RYR2: variants seen among roughly 807,000 people sequenced by gnomAD.
The protein encoded by RYR2 is cardiac muscle ryanodine receptor-calcium release channel.
RYR2 carries 227 observed loss-of-function variants against 601.1 expected under a neutral mutation model. The observed-to-expected ratio is 0.38, with a 90% CI of 0.34 to 0.42. RYR2 has a LOEUF of 0.42. Ranked by LOEUF, RYR2 falls within the 10% of genes least tolerant of loss-of-function variation. The pLI, the probability that RYR2 is intolerant of heterozygous loss-of-function variation, is 1.00. For missense variants in RYR2, 4,646 were observed against 6,156.5 expected (o/e 0.75, Z 8.21); for synonymous variants, 2,223 against 2,175.1 (o/e 1.02, Z -0.61).
intron 1 of RYR2, among the ~76,000 whole-genome samples, chr1:237,194,423 T>G (rs1403280977): frequency 6.6e-6 from 1 of 152,180 alleles, no homozygotes; most frequent in African/African-American, 2.4e-5. Flanking sequence ...GCCTCTGAGA[T>G]TCCCGTGTGG....
chr1:237,167,907 T>C (rs1676902561), intron 1 of RYR2, among the ~76,000 whole-genome samples: 1 of 152,098 alleles, frequency 6.6e-6, no homozygotes, highest in Non-Finnish European at 1.5e-5. Context: ...TAGAGTTATG[T>C]GAAGTCAGTT....
intron 17 of RYR2, among the ~76,000 whole-genome samples, chr1:237,477,524 T>C (rs1661549141): frequency 6.6e-6 from 1 of 152,258 alleles, no homozygotes; most frequent in Non-Finnish European, 1.5e-5. Context: ...TTTTGGCTTT[T>C]AGGCACTGTT....
chr1:237,832,234 G>A (rs1284766678), intron 104 of RYR2, among the ~76,000 whole-genome samples: 1 of 149,324 alleles, frequency 6.7e-6, no homozygotes, highest in African/African-American at 2.5e-5. Flanking sequence ...TTTAATTTTA[G>A]TACAGACAAG....
At chr1:237,387,060 C>G (rs752859980) in intron 8 of RYR2, among the ~76,000 whole-genome samples, 1 of 152,198 alleles carries the variant, frequency 6.6e-6, no homozygotes, top group Non-Finnish European at 1.5e-5. Flanking sequence ...TGATTATTGA[C>G]TTAAGTCAGT....
At chr1:237,408,547 C>A (rs2149984913) in intron 10 of RYR2, among the ~76,000 whole-genome samples, 1 of 152,068 alleles carries the variant, frequency 6.6e-6, no homozygotes, top group Middle Eastern at 3.4e-3. Context: ...TTTGTCTGTT[C>A]TTTCACCAAT....
At chr1:237,821,897 G>T (rs182154643) in intron 101 of RYR2, among the ~76,000 whole-genome samples, 5 of 151,470 alleles carry the variant, frequency 3.3e-5, no homozygotes, top group African/African-American at 4.8e-5. Flanking sequence ...AGCAATAGCC[G>T]AATCAATCAA....
intron 35 of RYR2, among the ~76,000 whole-genome samples, chr1:237,603,295 G>C (rs139522914): frequency 0.024 from 3,719 of 152,280 alleles, 62 homozygotes; most frequent in Non-Finnish European, 0.036. Context: ...GCACGGTGAA[G>C]AGCCATGAGA....
intron 1 of RYR2, among the ~76,000 whole-genome samples, chr1:237,162,950 C>T (rs1676204644): frequency 6.6e-6 from 1 of 152,114 alleles, no homozygotes. Context: ...TTCATCTCTA[C>T]AACTGCTACT....
At chr1:237,114,048 G>C (rs1669797594) in intron 1 of RYR2, among the ~76,000 whole-genome samples, 1 of 152,152 alleles carries the variant, frequency 6.6e-6, no homozygotes, top group South Asian at 2.1e-4. Flanking sequence ...CTTTAGAAAG[G>C]GTGCAGAGAC....
chr1:237,648,498 C>T lies in RYR2; in HGVS notation c.7397C>T (p.Ala2466Val). 6.2e-7 allele frequency: 1 copy of T among 1,611,070 alleles called. No individual in the cohort carries two copies. The highest frequency in any genetic ancestry group is 8.5e-7 in the Non-Finnish European group (1 of 1,178,522). The change falls in exon 49 of 105, where the codon GCA becomes GTA. Residue 2466 changes from alanine (A) to valine (V), a missense_variant. Ala to Val is a moderately conservative substitution (Grantham distance 64). Coordinates refer to ENST00000366574, the MANE Select transcript of RYR2 (RefSeq NM_001035.3). ...MSAGFCPDHK[A>V]AMVLFLDRVY... The stretch of plus-strand genomic sequence containing the variant: ...GCGGGGTTTTGCCCAGATCACAAGG[C>T]AGCCATGGTTTTATTCCTTGACAGG...
At chr1:237,279,327 C>G (rs1454518617) in intron 2 of RYR2, among the ~76,000 whole-genome samples, 2 of 152,126 alleles carry the variant, frequency 1.3e-5, no homozygotes, top group African/African-American at 2.4e-5. Context: ...ATAAGACTCT[C>G]TATACTGCTG....
At chr1:237,582,474 G>A (rs1674030410) in intron 29 of RYR2, among the ~76,000 whole-genome samples, 1 of 151,742 alleles carries the variant, frequency 6.6e-6, no homozygotes, top group African/African-American at 2.4e-5. Flanking sequence ...ATATGTTCAG[G>A]TTTGTTGCCT....
At chr1:237,731,500 G>A (rs1052075684) in intron 77 of RYR2, among the ~76,000 whole-genome samples, 2 of 152,076 alleles carry the variant, frequency 1.3e-5, no homozygotes, top group African/African-American at 4.8e-5. Context: ...TAAGCAATTT[G>A]CACTGCTATG....
At chr1:237,829,855 G>A (rs1935266) in intron 102 of RYR2, among the ~76,000 whole-genome samples, 82,110 of 151,786 alleles carry the variant, frequency 0.54, 23,031 homozygotes, top group African/African-American at 0.69. Flanking sequence ...GACCAGGCCT[G>A]TCTGCAAGGG....
chr1:237,334,474 C>A (rs1697063048), intron 3 of RYR2, among the ~76,000 whole-genome samples: 1 of 148,906 alleles, frequency 6.7e-6, no homozygotes, highest in Admixed American at 6.8e-5. Flanking sequence ...AAAAGAGAGA[C>A]CTAGATCCAG....
chr1:237,212,250 CT>C (rs34571943), intron 1 of RYR2, among the ~76,000 whole-genome samples: 2,430 of 152,210 alleles, frequency 0.016, 79 homozygotes, highest in African/African-American at 0.056. Flanking sequence ...TTAATCTTTT[CT>C]CATTTAAAAC....
intron 35 of RYR2, among the ~76,000 whole-genome samples, chr1:237,607,583 G>T (rs894433538): frequency 3.9e-5 from 6 of 152,038 alleles, no homozygotes; most frequent in African/African-American, 1.4e-4. Flanking sequence ...ATAAAAAAAA[G>T]AATAGGATTT....
intron 62 of RYR2, among the ~76,000 whole-genome samples, chr1:237,683,819 G>A (rs182991771): frequency 2.4e-4 from 37 of 152,304 alleles, no homozygotes; most frequent in South Asian, 8.3e-4. Context: ...GAGTTGGGAG[G>A]CCATGGCAGG....
chr1:237,492,504 A>T (rs973976902), intron 18 of RYR2, among the ~76,000 whole-genome samples: 1 of 152,160 alleles, frequency 6.6e-6, no homozygotes, highest in East Asian at 1.9e-4. Flanking sequence ...TTTGCTTTGT[A>T]AAAAAGTGCT....
Sources: gnomAD v4.1 joint callset for allele counts (sites outside exome capture counted in the v4.1 genomes callset) on GRCh38, gnomAD v4.1.1 for gene constraint, MANE v1.5 for transcripts, NCBI Gene and HGNC (gene_info 2026-07-23, HGNC 2026-07-21) for gene names.